Variants in SEMA3E observed in about 807,000 individuals in gnomAD.
SEMA3E encodes the protein semaphorin 3E.
A neutral mutation model predicts 93.6 loss-of-function variants in SEMA3E; 49 were observed. That is an observed-to-expected ratio of 0.52 (90% CI 0.42 to 0.66). The LOEUF (loss-of-function observed/expected upper bound fraction) is 0.66. Ranked by LOEUF, SEMA3E falls within the 30% of genes least tolerant of loss-of-function variation. SEMA3E has a pLI of 0.00. For missense variants in SEMA3E, 906 were observed against 964.8 expected (o/e 0.94, Z 0.81); for synonymous variants, 363 against 330.7 (o/e 1.10, Z -1.06).
chr7:83,404,862 T>C (rs1788297529), intron 9 of SEMA3E, among the ~76,000 whole-genome samples: 2 of 151,974 alleles, frequency 1.3e-5, no homozygotes, highest in South Asian at 2.1e-4. Flanking sequence ...GGAGAACTGA[T>C]TTAAATCAGT....
intron 13 of SEMA3E, among the ~76,000 whole-genome samples, chr7:83,393,463 A>C (rs1788060024): frequency 6.6e-6 from 1 of 152,150 alleles, no homozygotes; most frequent in African/African-American, 2.4e-5. Context: ...GGGGAGGTTG[A>C]GTCTGCAGTG....
chr7:83,486,167 AT>A (rs1325336549), intron 2 of SEMA3E, among the ~76,000 whole-genome samples: 2 of 152,068 alleles, frequency 1.3e-5, no homozygotes, highest in Non-Finnish European at 2.9e-5. Context: ...ACAGGCATGT[AT>A]CATATGTTTG....
intron 2 of SEMA3E, among the ~76,000 whole-genome samples, chr7:83,487,730 G>A (rs1050207467): frequency 6.9e-6 from 1 of 144,972 alleles, no homozygotes; most frequent in Admixed American, 7.0e-5. Context: ...TTATATATAT[G>A]GAGAGAGAGG....
At position 83,367,825 on chromosome 7, in the gene SEMA3E, G is replaced by C; in HGVS notation, c.2089C>G (p.Pro697Ala). The C allele has an allele frequency of 6.2e-7, 1 of 1,614,010 alleles. No homozygotes were observed. ...EEDRHHRMPC[P>A]AQSSISQGAK... ...CCCTGCGAGATGCTACTCTGAGCAG[G>C]ACAAGGCATCCTGTGATGCCTGTCC... The change falls in exon 17 of 17, where the codon CCT (proline) becomes GCT (alanine). Residue 697 changes from proline (P) to alanine (A), a missense_variant. Transcript: ENST00000643230.
Position 83,617,740 on chromosome 7 carries a change from CAT to C in SEMA3E, c.115+30686_115+30687del, listed in dbSNP as rs551449354. ...TTGATGGGCTTTTTCAAGGTCGACT[CAT>C]GTGCCAGATGCTGATCTGGAATTCT... On this transcript the variant is annotated intron_variant, in intron 1 of 16. Transcript: ENST00000643230. 7.1e-3 allele frequency among the ~76,000 whole-genome samples: 1,062 copies of C among 150,572 alleles called. 5 individuals carry two copies. Among genetic ancestry groups the C allele is most frequent in the Non-Finnish European group, 0.012 (820 of 67,666 alleles).
chr7:83,570,239 C>A (rs1490378285), intron 1 of SEMA3E, among the ~76,000 whole-genome samples: 6 of 152,142 alleles, frequency 3.9e-5, no homozygotes, highest in Admixed American at 3.9e-4. Flanking sequence ...GAAGAAAGTT[C>A]ATAGTGCAAA....
intron 4 of SEMA3E, among the ~76,000 whole-genome samples, chr7:83,418,802 T>A (rs1788614090): frequency 6.6e-6 from 1 of 152,204 alleles, no homozygotes; most frequent in Admixed American, 6.5e-5. Context: ...TGAAACTTGC[T>A]GGAAAAAGGT....
intron 16 of SEMA3E, among the ~76,000 whole-genome samples, chr7:83,377,592 G>T (rs943188183): frequency 7.2e-5 from 11 of 151,938 alleles, no homozygotes; most frequent in African/African-American, 2.4e-4. Context: ...TAATTGTCAG[G>T]TTCAGGGGAA....
At chr7:83,533,148 C>T (rs1009588046) in intron 1 of SEMA3E, among the ~76,000 whole-genome samples, 1 of 152,122 alleles carries the variant, frequency 6.6e-6, no homozygotes, top group Non-Finnish European at 1.5e-5. Flanking sequence ...ACCTAAATTT[C>T]CTTAGGGTAT....
chr7:83,408,516 T>C (rs1788371818), intron 5 of SEMA3E, 29 bp from the exon 6 acceptor site: 1 of 1,611,660 alleles, frequency 6.2e-7, no homozygotes, highest in South Asian at 1.1e-5. Flanking sequence ...AAAAAAGAAG[T>C]CAGTATTTGT....
intron 4 of SEMA3E, among the ~76,000 whole-genome samples, chr7:83,420,806 A>G (rs1788657930): frequency 6.6e-6 from 1 of 152,198 alleles, no homozygotes; most frequent in African/African-American, 2.4e-5. Flanking sequence ...TACTTTTGCC[A>G]TATACAAAAA....
chr7:83,575,831 G>A (rs1044758346), intron 1 of SEMA3E, among the ~76,000 whole-genome samples: 4 of 152,174 alleles, frequency 2.6e-5, no homozygotes, highest in Non-Finnish European at 5.9e-5. Flanking sequence ...TGGAAGGACA[G>A]AGATATATAT....
chr7:83,435,245 C>A (rs1266713260), intron 4 of SEMA3E, among the ~76,000 whole-genome samples: 2 of 152,054 alleles, frequency 1.3e-5, no homozygotes, highest in Non-Finnish European at 2.9e-5. Context: ...CATTTATTAT[C>A]CAAAACATGT....
At chr7:83,512,890 C>A (rs563539212) in intron 1 of SEMA3E, among the ~76,000 whole-genome samples, 57 of 151,994 alleles carry the variant, frequency 3.8e-4, no homozygotes, top group Non-Finnish European at 6.5e-4. Context: ...GCTTTTCCAC[C>A]ATTAATGGAA....
At chr7:83,405,879 T>C (rs1041771176) in intron 8 of SEMA3E, 66 bp downstream of exon 8, 2 of 1,161,798 alleles carry the variant, frequency 1.7e-6, no homozygotes, top group East Asian at 2.4e-5. Flanking sequence ...CTATGTGTCC[T>C]AGGGATAAAG....
At chr7:83,455,630 C>CT (rs1164158751) in intron 4 of SEMA3E, among the ~76,000 whole-genome samples, 2 of 152,204 alleles carry the variant, frequency 1.3e-5, no homozygotes, top group Non-Finnish European at 2.9e-5. Flanking sequence ...GAAATCACTC[C>CT]TTATACTACT....
At chr7:83,474,472 A>G (rs1449163592) in intron 2 of SEMA3E, among the ~76,000 whole-genome samples, 1 of 152,246 alleles carries the variant, frequency 6.6e-6, no homozygotes, top group Non-Finnish European at 1.5e-5. Flanking sequence ...TCATAGTGCA[A>G]TGTATAAACT....
At chr7:83,419,517 C>T (rs1190015004) in intron 4 of SEMA3E, among the ~76,000 whole-genome samples, 2 of 152,150 alleles carry the variant, frequency 1.3e-5, no homozygotes, top group African/African-American at 4.8e-5. Flanking sequence ...AACTTCTTTC[C>T]ACAATGGCTG....
At chr7:83,578,713 C>G (rs1792458915) in intron 1 of SEMA3E, among the ~76,000 whole-genome samples, 1 of 152,056 alleles carries the variant, frequency 6.6e-6, no homozygotes, top group Non-Finnish European at 1.5e-5. Context: ...TACTGCACAA[C>G]TACTCCCAAA....
Sources: gnomAD v4.1 joint callset for allele counts (sites outside exome capture counted in the v4.1 genomes callset) on GRCh38, gnomAD v4.1.1 for gene constraint, MANE v1.5 for transcripts, NCBI Gene and HGNC (gene_info 2026-07-23, HGNC 2026-07-21) for gene names.